The following POU3F3 variants were observed in gnomAD, a reference collection of about 807,000 sequenced individuals.
POU3F3 encodes the protein POU class 3 homeobox 3.
A neutral mutation model predicts 8.6 loss-of-function variants in POU3F3; 1 was observed. The observed-to-expected ratio is 0.12, with a 90% CI of 0.04 to 0.55. POU3F3 has a LOEUF of 0.55. POU3F3 is among the 20% of genes least tolerant of loss of function. POU3F3 has a pLI of 0.91. For synonymous variants in POU3F3, 418 were observed against 327.4 expected, an observed-to-expected ratio of 1.28 and a Z score of -2.99; for missense variants, 577 against 690.7, an observed-to-expected ratio of 0.84 and a Z score of 1.84.
chr2:104,923,391 G>C, the POU3F3 span, among the ~76,000 whole-genome samples: 61 of 152,246 alleles, frequency 4.0e-4, no homozygotes, highest in Non-Finnish European at 7.8e-4. Context: ...TACCTGAAAG[G>C]GGGTAGGGAA....
At position 104,855,798 on chromosome 2, in the gene POU3F3, G is replaced by A; in HGVS notation, c.288G>A (p.Gln96=). Residue 96 remains glutamine, a synonymous_variant, in exon 1 of 1, where the codon CAG becomes CAA. Coordinates refer to ENST00000361360, the MANE Select transcript of POU3F3 (RefSeq NM_006236.3). ...NGGHMLSHAH[Q]WVTALPHAAA... is the part of the protein sequence containing the mutation. ...GCCATATGCTGAGCCACGCGCACCA[G>A]TGGGTCACAGCCCTGCCCCACGCCG... 1 of 1,299,514 alleles carries A rather than the reference G, an allele frequency of 7.7e-7. No homozygotes were observed. The allele number at this position is 1,299,514 out of a possible 1,614,324, so 80.5% of individuals were successfully genotyped here. A position where few individuals can be genotyped will look rare whatever the true frequency, so the allele number is the denominator to read the frequency against.
At chr2:104,884,683 G>C in the POU3F3 span, among the ~76,000 whole-genome samples, 2 of 152,188 alleles carry the variant, frequency 1.3e-5, no homozygotes, top group Non-Finnish European at 2.9e-5. Flanking sequence ...AACTTACAAG[G>C]ACTCTTCTCT....
the POU3F3 span, among the ~76,000 whole-genome samples, chr2:104,864,638 G>A: frequency 2.6e-5 from 4 of 152,084 alleles, no homozygotes; most frequent in East Asian, 5.8e-4. Flanking sequence ...ATTCATTAAT[G>A]GAATTTGTTC....
the POU3F3 span, among the ~76,000 whole-genome samples, chr2:104,895,548 G>A: frequency 8.0e-4 from 121 of 152,192 alleles, 1 homozygote; most frequent in East Asian, 7.1e-3. Flanking sequence ...CTGATACTAC[G>A]GAAGCCACAA....
chr2:104,897,172 G>A, the POU3F3 span, among the ~76,000 whole-genome samples: 3 of 152,208 alleles, frequency 2.0e-5, no homozygotes, highest in African/African-American at 7.2e-5. Context: ...TTTTAGAGTT[G>A]AAAGGACCTG....
the POU3F3 span, among the ~76,000 whole-genome samples, chr2:104,925,697 C>T: frequency 2.6e-5 from 4 of 152,116 alleles, no homozygotes; most frequent in Non-Finnish European, 5.9e-5. Context: ...AGAATAAAGG[C>T]TAAGGAGAAA....
chr2:104,869,695 G>A, the POU3F3 span, among the ~76,000 whole-genome samples: 2 of 152,154 alleles, frequency 1.3e-5, no homozygotes, highest in African/African-American at 4.8e-5. Flanking sequence ...CCAGAAAGGG[G>A]AACAACTGAT....
At chr2:104,904,267 C>A in the POU3F3 span, among the ~76,000 whole-genome samples, 1 of 152,060 alleles carries the variant, frequency 6.6e-6, no homozygotes, top group East Asian at 1.9e-4. Flanking sequence ...AGAGAGTGAA[C>A]CATTAAAACC....
chr2:104,921,929 G>A, the POU3F3 span, among the ~76,000 whole-genome samples: 1 of 152,182 alleles, frequency 6.6e-6, no homozygotes, highest in Admixed American at 6.5e-5. Context: ...CCCAGGAGAT[G>A]GAGGTTGCAG....
the POU3F3 span, among the ~76,000 whole-genome samples, chr2:104,869,545 C>T: frequency 6.6e-6 from 1 of 152,140 alleles, no homozygotes; most frequent in Non-Finnish European, 1.5e-5. Flanking sequence ...TGGTATTGTG[C>T]CCCAGTCCTA....
downstream of POU3F3, among the ~76,000 whole-genome samples, chr2:104,861,593 A>T (rs1305366280): frequency 1.3e-5 from 2 of 152,228 alleles, no homozygotes; most frequent in African/African-American, 4.8e-5. Flanking sequence ...GTGATGTGAA[A>T]AAAGAAGAGT....
At chr2:104,885,033 C>A in the POU3F3 span, among the ~76,000 whole-genome samples, 1 of 152,104 alleles carries the variant, frequency 6.6e-6, no homozygotes, top group East Asian at 1.9e-4. Context: ...GTAGGACACA[C>A]AACCCAGTCT....
rs747467083 is a variant in POU3F3, at chr2:104,855,776, A to G, written c.266A>G (p.His89Arg). 4 of 1,305,640 alleles carry G rather than the reference A, an allele frequency of 3.1e-6. No individual in the cohort carries two copies. Among genetic ancestry groups the G allele is most frequent in the Non-Finnish European group, 4.0e-6 (4 of 1,006,226 alleles). The allele number at this position is 1,305,640 out of a possible 1,614,324, so 80.9% of individuals were successfully genotyped here. Reference sequence around the variant, plus strand: ...GCCATGGCCGCCAGCAACGGCGGCCATATGCTGAGCCACGCGCACCAGTGG... The same window carrying G: ...GCCATGGCCGCCAGCAACGGCGGCCGTATGCTGAGCCACGCGCACCAGTGG... ...QGAMAASNGGHMLSHAHQWVT... is the reference protein window; with the variant it reads ...QGAMAASNGGRMLSHAHQWVT... Residue 89 changes from histidine to arginine, a missense_variant, in exon 1 of 1, where the codon CAT becomes CGT. His to Arg is a conservative substitution (Grantham distance 29). This residue lies in a region of POU3F3 where 484 missense variants were observed against 422.6 expected (regional missense o/e 1.15). Coordinates refer to ENST00000361360, the MANE Select transcript of POU3F3 (RefSeq NM_006236.3).
chr2:104,904,499 T>A, the POU3F3 span, among the ~76,000 whole-genome samples: 1 of 152,126 alleles, frequency 6.6e-6, no homozygotes, highest in African/African-American at 2.4e-5. Context: ...GGCAATCCAG[T>A]GGAACGAATC....
At chr2:104,862,793 C>T (rs1191349458), downstream of POU3F3, among the ~76,000 whole-genome samples, 1 of 152,178 alleles carries the variant, frequency 6.6e-6, no homozygotes, top group Non-Finnish European at 1.5e-5. Flanking sequence ...AATATGCAAG[C>T]TTTTTGTATT....
the POU3F3 span, among the ~76,000 whole-genome samples, chr2:104,912,583 G>C: frequency 2.0e-5 from 3 of 152,204 alleles, no homozygotes; most frequent in Non-Finnish European, 4.4e-5. Flanking sequence ...TTTAGGGTTT[G>C]AAGAGAAGAC....
chr2:104,916,460 A>G, the POU3F3 span, among the ~76,000 whole-genome samples: 1 of 152,150 alleles, frequency 6.6e-6, no homozygotes, highest in Non-Finnish European at 1.5e-5. Flanking sequence ...TCATGAGGTT[A>G]TAGTCAGGCT....
the POU3F3 span, among the ~76,000 whole-genome samples, chr2:104,895,179 C>G: frequency 0.092 from 13,950 of 151,986 alleles, 1,116 homozygotes; most frequent in East Asian, 0.45. Flanking sequence ...GTCCTCAAAG[C>G]CTTTGCTATG....
chr2:104,854,762 G>C lies in POU3F3; in HGVS notation c.-749G>C, dbSNP rs774310504. 1.3e-5 allele frequency among the ~76,000 whole-genome samples: 2 copies of C among 152,118 alleles called. No individual in the cohort carries two copies. Among genetic ancestry groups the C allele is most frequent in the Non-Finnish European group, 2.9e-5 (2 of 68,030 alleles). On this transcript the variant is annotated 5_prime_UTR_variant, in exon 1 of 1. Coordinates refer to ENST00000361360, the MANE Select transcript of POU3F3 (RefSeq NM_006236.3). The surrounding 1 kb of genome is among the most constrained non-coding windows in gnomAD (Gnocchi z 4.5). ...GAGCCAGCCTCCCCTCTCCGCACTC[G>C]CGAGCAGCCAGCAGCACCACGCCTT... is the stretch of plus-strand genomic sequence containing the variant.
Sources: allele counts gnomAD v4.1 joint callset (sites outside exome capture counted in the v4.1 genomes callset), GRCh38; gene constraint gnomAD v4.1.1; regional missense constraint gnomAD v4.1.1; non-coding constraint Gnocchi (gnomAD v3.1); transcripts MANE v1.5; gene names NCBI Gene and HGNC (gene_info 2026-07-23, HGNC 2026-07-21).